SRGAP2: variants seen among roughly 807,000 people sequenced by gnomAD.
SRGAP2 encodes SLIT-ROBO Rho GTPase activating protein 2.
SRGAP2 carries 15 observed loss-of-function variants against 57.2 expected under a neutral mutation model. That is an observed-to-expected ratio of 0.26 (90% CI 0.18 to 0.40). SRGAP2 has a LOEUF of 0.40. Among genes scored for constraint, SRGAP2 ranks in the 10% least tolerant of loss-of-function variants. SRGAP2 has a pLI of 1.00. For synonymous variants in SRGAP2, 249 were observed against 248.0 expected (o/e 1.00, Z -0.04); for missense variants, 520 against 669.6 (o/e 0.78, Z 2.47).
At chr1:206,306,553 G>C (rs1294584812) in intron 3 of SRGAP2, among the ~76,000 whole-genome samples, 2,015 of 152,164 alleles carry the variant, frequency 0.013, 21 homozygotes, top group Middle Eastern at 0.031. Context: ...AAGGGGACCC[G>C]AGCGGGTTGC....
At chr1:206,386,181 C>T (rs1185661572) in intron 5 of SRGAP2, among the ~76,000 whole-genome samples, 2 of 152,168 alleles carry the variant, frequency 1.3e-5, no homozygotes, top group Non-Finnish European at 2.9e-5. Flanking sequence ...TAAAATCCTA[C>T]AGTGCACAGG....
At chr1:206,418,062 G>A (rs1368775913) in intron 11 of SRGAP2, among the ~76,000 whole-genome samples, 2 of 151,162 alleles carry the variant, frequency 1.3e-5, no homozygotes, top group Non-Finnish European at 1.5e-5. Flanking sequence ...CATTAGTGCT[G>A]CAAATTGTCT....
intron 10 of SRGAP2, among the ~76,000 whole-genome samples, chr1:206,414,035 T>TC (rs1269387984): frequency 7.0e-6 from 1 of 141,856 alleles, no homozygotes; most frequent in African/African-American, 2.7e-5. Context: ...TTTTCTTTCT[T>TC]TTTTTTTTTT....
At chr1:206,445,457 AAGG>A (rs1349171404) in intron 17 of SRGAP2, among the ~76,000 whole-genome samples, 3 of 152,238 alleles carry the variant, frequency 2.0e-5, no homozygotes. Context: ...AATAATCTAG[AAGG>A]AGATTATGAA....
chr1:206,424,883 C>A (rs1553365761), intron 13 of SRGAP2, among the ~76,000 whole-genome samples: 1 of 152,212 alleles, frequency 6.6e-6, no homozygotes, highest in African/African-American at 2.4e-5. Context: ...TCCACTGGAG[C>A]AGTGGGGACT....
At chr1:206,417,227 C>T (rs1412377689) in intron 11 of SRGAP2, among the ~76,000 whole-genome samples, 1 of 151,368 alleles carries the variant, frequency 6.6e-6, no homozygotes, top group Non-Finnish European at 1.5e-5. Flanking sequence ...CCTCAGCCTC[C>T]CCAGTAACTG....
At chr1:206,427,143 A>C (rs1235069150) in intron 13 of SRGAP2, among the ~76,000 whole-genome samples, 1 of 151,884 alleles carries the variant, frequency 6.6e-6, no homozygotes, top group Admixed American at 6.6e-5. Flanking sequence ...TTGTTTTTCT[A>C]TATGGTGAGA....
chr1:206,435,094 G>C (rs1553369550), intron 14 of SRGAP2, among the ~76,000 whole-genome samples: 1 of 152,210 alleles, frequency 6.6e-6, no homozygotes, highest in Non-Finnish European at 1.5e-5. Flanking sequence ...GCCACTCTGT[G>C]AGGAATATTC....
chr1:206,426,531 T>C (rs1452316371), intron 13 of SRGAP2, among the ~76,000 whole-genome samples: 2 of 152,202 alleles, frequency 1.3e-5, no homozygotes, highest in Non-Finnish European at 1.5e-5. Context: ...GATCTACTTT[T>C]AGTTTCTTGA....
chr1:206,453,318 G>A lies in SRGAP2; in HGVS notation c.2298G>A (p.Trp766Ter). The A allele has an allele frequency of 1.3e-6, 1 of 760,348 alleles. No homozygotes were observed. The highest frequency in any genetic ancestry group is 2.6e-5 in the East Asian group (1 of 38,818). 47.1% of individuals were successfully genotyped at this position (760,348 alleles called of 1,614,324 possible). ...ACCAGCGGGCTTCCGACGACTGGTG[G>A]GAAGGCCGGCACAATGGCATCGACG... The part of the protein sequence containing the change: ...LLYQRASDDW[W>*]EGRHNGIDGL... The change falls in exon 20 of 23, where the codon TGG becomes TGA. Residue 766 changes from tryptophan (W) to a stop codon, truncating the protein, a stop_gained. Transcript: ENST00000573034. LOFTEE classifies it high-confidence loss of function.
intron 21 of SRGAP2, chr1:206,458,277 T>G: frequency 8.1e-6 from 4 of 495,592 alleles, no homozygotes; most frequent in Non-Finnish European, 1.6e-5. Flanking sequence ...GCTGGGGCCT[T>G]AGGTTTCTGT....
At chr1:206,214,957 T>C (rs1256778350) in intron 2 of SRGAP2, 1 of 152,096 alleles carries the variant, frequency 6.6e-6, no homozygotes, top group African/African-American at 2.4e-5. Context: ...ATTGATCTCA[T>C]ACTGCCTTAT....
chr1:206,441,157 T>A (rs1553371902), intron 17 of SRGAP2, among the ~76,000 whole-genome samples: 2 of 152,028 alleles, frequency 1.3e-5, no homozygotes, highest in Non-Finnish European at 2.9e-5. Context: ...AGACAAGGTG[T>A]GGAGAAAGGA....
chr1:206,411,965 G>A (rs2103197110), intron 10 of SRGAP2, among the ~76,000 whole-genome samples: 2 of 152,266 alleles, frequency 1.3e-5, no homozygotes, highest in Non-Finnish European at 2.9e-5. Flanking sequence ...GCTATTAACA[G>A]TAATGCTTAT....
chr1:206,396,150 T>C (rs1338132537), intron 7 of SRGAP2, among the ~76,000 whole-genome samples: 1 of 151,174 alleles, frequency 6.6e-6, no homozygotes, highest in Non-Finnish European at 1.5e-5. Context: ...GCCCAGCTAA[T>C]TTTTTGTATT....
chr1:206,445,975 G>A, intron 17 of SRGAP2, 100 bp from the exon 18 acceptor site: 1 of 686,144 alleles, frequency 1.5e-6, no homozygotes, highest in South Asian at 1.6e-5. Flanking sequence ...GGCAATTTGT[G>A]GACCTTCTGC....
At position 206,430,139 on chromosome 1, in the gene SRGAP2, T is replaced by C. The variant is rs782302877; in HGVS notation, c.1495-23T>C. 3.6e-5 allele frequency: 28 copies of C among 780,578 alleles called. No homozygotes were observed. The African/African-American group carries it at 4.7e-4, about 13-fold the overall frequency. 48.4% of individuals were successfully genotyped at this position (780,578 alleles called of 1,614,324 possible). On this transcript the variant is annotated intron_variant, in intron 13 of 22. Coordinates refer to ENST00000573034, the MANE Select transcript of SRGAP2 (RefSeq NM_015326.5). Reference sequence around the variant, plus strand: ...TATCCCTGTTTGAATATTCTAATGTTGTGTTTCCCTTTGGCTTTTCAGGAC... The same window carrying C: ...TATCCCTGTTTGAATATTCTAATGTCGTGTTTCCCTTTGGCTTTTCAGGAC...
At chr1:206,239,032 T>G (rs1328038783) in intron 2 of SRGAP2, among the ~76,000 whole-genome samples, 2 of 152,184 alleles carry the variant, frequency 1.3e-5, no homozygotes, top group Admixed American at 1.3e-4. Flanking sequence ...AGCTGAGGTG[T>G]GAGGTTGGTT....
At position 206,463,962 on chromosome 1, in the gene SRGAP2, A is replaced by G. The variant is rs1664417981; in HGVS notation, c.*2542A>G. 1 of 152,574 alleles carries G rather than the reference A, an allele frequency of 6.6e-6. No individual in the cohort carries two copies. Among genetic ancestry groups the G allele is most frequent in the Non-Finnish European group, 1.5e-5 (1 of 68,064 alleles). 9.5% of individuals were successfully genotyped at this position (152,574 alleles called of 1,614,324 possible). ...TTCAAAGAGCCCTGCTCCACCCCTC[A>G]TGGCATGGATCCTTTTCCTGGTGTG... is the stretch of plus-strand genomic sequence containing the variant. On this transcript the variant is annotated 3_prime_UTR_variant, in exon 23 of 23. Coordinates refer to ENST00000573034, the MANE Select transcript of SRGAP2 (RefSeq NM_015326.5).
Sources: gnomAD v4.1 joint callset for allele counts (sites outside exome capture counted in the v4.1 genomes callset) on GRCh38, gnomAD v4.1.1 for gene constraint, MANE v1.5 for transcripts, NCBI Gene and HGNC (gene_info 2026-07-23, HGNC 2026-07-21) for gene names.